The following PPP2R5E variants were observed in gnomAD, a reference collection of about 807,000 sequenced individuals.
The protein encoded by PPP2R5E is protein phosphatase 2 regulatory subunit B'epsilon, also known as serine/threonine-protein phosphatase 2A 56 kDa regulatory subunit epsilon isoform.
Under a neutral mutation model 65.3 loss-of-function variants are expected in PPP2R5E, and 4 were observed. The observed-to-expected ratio is 0.06, with a 90% CI of 0.03 to 0.14. The LOEUF (loss-of-function observed/expected upper bound fraction) is 0.14. PPP2R5E is among the 10% of genes least tolerant of loss of function. The pLI, the probability that PPP2R5E is intolerant of heterozygous loss-of-function variation, is 1.00. For synonymous variants in PPP2R5E, 183 were observed against 187.4 expected (o/e 0.98, Z 0.19); for missense variants, 274 against 556.1 (o/e 0.49, Z 5.10).
At position 63,374,707 on chromosome 14, in the gene PPP2R5E, T is replaced by C. The variant is rs1186179232; in HGVS notation, c.*1302A>G. ...AGATTTTGTTTTTTTTGTTTTTTTT[T>C]CTTAAACAATTTGGTCACGATGCAC... On this transcript the variant is annotated 3_prime_UTR_variant, in exon 14 of 14. Coordinates refer to ENST00000337537, the MANE Select transcript of PPP2R5E (RefSeq NM_006246.5). 6.7e-6 allele frequency: 1 copy of C among 148,172 alleles called. No individual in the cohort carries two copies. Among genetic ancestry groups the C allele is most frequent in the African/African-American group, 2.5e-5 (1 of 39,788 alleles). The allele number at this position is 148,172 out of a possible 1,614,324, so 9.2% of individuals were successfully genotyped here. A position where few individuals can be genotyped will look rare whatever the true frequency, so the allele number is the denominator to read the frequency against.
intron 2 of PPP2R5E, among the ~76,000 whole-genome samples, chr14:63,499,613 G>A (rs1486046322): frequency 1.3e-5 from 2 of 152,122 alleles, no homozygotes; most frequent in Non-Finnish European, 2.9e-5. Flanking sequence ...TGTAATCACG[G>A]CTACTCGGGA....
At chr14:63,459,657 A>G (rs1363278533) in intron 2 of PPP2R5E, among the ~76,000 whole-genome samples, 3 of 152,154 alleles carry the variant, frequency 2.0e-5, no homozygotes, top group Non-Finnish European at 4.4e-5. Flanking sequence ...TTTGTTGTTG[A>G]TGATGGTGGT....
Position 63,453,173 on chromosome 14 carries a change from T to C in PPP2R5E, c.354+516A>G, listed in dbSNP as rs560950898. 4.6e-5 allele frequency: 7 copies of C among 152,278 alleles called. No homozygotes were observed. In the South Asian group the frequency reaches 1.5e-3, roughly 32 times the overall value. The allele number at this position is 152,278 out of a possible 1,614,324, so 9.4% of individuals were successfully genotyped here. On this transcript the variant is annotated intron_variant, in intron 3 of 13. Transcript: ENST00000337537. Reference sequence around the variant, plus strand: ...GACCACACAAAATCTAAGACACTATTCAAAAATCATAAAAGGTATCAACCC... The same window carrying C: ...GACCACACAAAATCTAAGACACTATCCAAAAATCATAAAAGGTATCAACCC...
chr14:63,374,657 A>T lies in PPP2R5E; in HGVS notation c.*1352T>A, dbSNP rs1363676727. 2 of 108,508 alleles carry T rather than the reference A, an allele frequency of 1.8e-5. No individual in the cohort carries two copies. Among genetic ancestry groups the T allele is most frequent in the East Asian group, 9.9e-4 (2 of 2,026 alleles). 6.7% of individuals were successfully genotyped at this position (108,508 alleles called of 1,614,324 possible). A position where few individuals can be genotyped will look rare whatever the true frequency, so the allele number is the denominator to read the frequency against. The stretch of plus-strand genomic sequence containing the variant: ...AAGATATATATATATATATATATAT[A>T]TATATATATATAAAATACAGCCCTA... On this transcript the variant is annotated 3_prime_UTR_variant, in exon 14 of 14. Coordinates refer to ENST00000337537, the MANE Select transcript of PPP2R5E (RefSeq NM_006246.5).
intron 2 of PPP2R5E, among the ~76,000 whole-genome samples, chr14:63,466,257 A>T (rs976826702): frequency 1.8e-4 from 27 of 147,626 alleles, no homozygotes; most frequent in African/African-American, 6.5e-4. Flanking sequence ...CTTAAAAAAA[A>T]AAAGTTTTAA....
rs1172461512 is a variant in PPP2R5E, at chr14:63,523,020, G to A, written c.157+16509C>T. On this transcript the variant is annotated intron_variant, in intron 2 of 13. Coordinates refer to ENST00000337537, the MANE Select transcript of PPP2R5E (RefSeq NM_006246.5). The stretch of plus-strand genomic sequence containing the variant: ...CGGGAGGTGAGGGGCGCCTCTGCCC[G>A]GCCGCCCCTACTGGGAAGTAAGGAG... 5.6e-3 allele frequency among the ~76,000 whole-genome samples: 827 copies of A among 148,344 alleles called. 43 individuals are homozygous for A. The East Asian group carries it at 0.13, about 22-fold the overall frequency.
In PPP2R5E at chr14:63,384,471, T is replaced by C; in HGVS notation, c.1175A>G (p.Tyr392Cys). 1 of 1,613,782 alleles carries C rather than the reference T, an allele frequency of 6.2e-7. No homozygotes were observed. The highest frequency in any genetic ancestry group is 8.5e-7 in the Non-Finnish European group (1 of 1,179,900). ...VILPIMFSSL[Y>C]RISKEHWNPA... is the part of the protein sequence containing the mutation. ...ATTCCAATGTTCTTTTGAAATCCTATAAAGGCTGGAAAACATGATGGGAAG... is the reference window on the plus strand; with the variant it reads ...ATTCCAATGTTCTTTTGAAATCCTACAAAGGCTGGAAAACATGATGGGAAG... The change falls in exon 12 of 14, where the codon TAT becomes TGT. Residue 392 changes from tyrosine (Y) to cysteine (C), a missense_variant. This residue lies in a region of PPP2R5E where 129 missense variants were observed against 254.9 expected (regional missense o/e 0.51). Coordinates refer to ENST00000337537, the MANE Select transcript of PPP2R5E (RefSeq NM_006246.5).
intron 2 of PPP2R5E, among the ~76,000 whole-genome samples, chr14:63,519,663 A>G (rs1398578324): frequency 3.4e-5 from 5 of 146,596 alleles, no homozygotes; most frequent in Admixed American, 2.0e-4. Flanking sequence ...CTAAGGACAA[A>G]CTCTCTTTTT....
At chr14:63,426,861 T>C (rs370257569) in intron 3 of PPP2R5E, among the ~76,000 whole-genome samples, 11 of 152,126 alleles carry the variant, frequency 7.2e-5, no homozygotes, top group African/African-American at 1.7e-4. Flanking sequence ...TGGGCTTCCA[T>C]TGGGGCACGG....
At chr14:63,406,689 C>T (rs968500229) in intron 5 of PPP2R5E, among the ~76,000 whole-genome samples, 7 of 152,166 alleles carry the variant, frequency 4.6e-5, no homozygotes, top group Non-Finnish European at 1.0e-4. Flanking sequence ...GGTTTTCACA[C>T]ATTATAAATT....
intron 2 of PPP2R5E, among the ~76,000 whole-genome samples, chr14:63,474,319 G>A (rs1159599658): frequency 6.6e-6 from 1 of 152,172 alleles, no homozygotes; most frequent in Non-Finnish European, 1.5e-5. Flanking sequence ...CAGTGGGTGG[G>A]AGCCGGGTTG....
At chr14:63,440,450 C>T (rs1227421519) in intron 3 of PPP2R5E, among the ~76,000 whole-genome samples, 2 of 151,358 alleles carry the variant, frequency 1.3e-5, no homozygotes, top group Non-Finnish European at 2.9e-5. Flanking sequence ...AACCCCAGAG[C>T]ATACTATGTG....
In PPP2R5E at chr14:63,374,587, C is replaced by T. The variant is rs1254966543; in HGVS notation, c.*1422G>A. 2 of 141,676 alleles carry T rather than the reference C, an allele frequency of 1.4e-5. No homozygotes were observed. Among genetic ancestry groups the T allele is most frequent in the East Asian group, 3.9e-4 (2 of 5,070 alleles). 8.8% of individuals were successfully genotyped at this position (141,676 alleles called of 1,614,324 possible). A position where few individuals can be genotyped will look rare whatever the true frequency, so the allele number is the denominator to read the frequency against. On this transcript the variant is annotated 3_prime_UTR_variant, in exon 14 of 14. Coordinates refer to ENST00000337537, the MANE Select transcript of PPP2R5E (RefSeq NM_006246.5). ...CAAATTTTATCAGCAGTTTACCTACCCAAGATGTAAGATTCTTCATTTAAA... is the reference window on the plus strand; with the variant it reads ...CAAATTTTATCAGCAGTTTACCTACTCAAGATGTAAGATTCTTCATTTAAA...
chr14:63,398,325 A>G (rs1358807945), intron 5 of PPP2R5E, among the ~76,000 whole-genome samples: 1 of 152,232 alleles, frequency 6.6e-6, no homozygotes, highest in Non-Finnish European at 1.5e-5. Context: ...AAAGATTCAC[A>G]CTTCTCTATT....
chr14:63,453,189 G>A (rs1353057432), intron 3 of PPP2R5E: 1 of 152,052 alleles, frequency 6.6e-6, no homozygotes, highest in Non-Finnish European at 1.5e-5. Context: ...ATCATAAAAG[G>A]TATCAACCCT....
intron 11 of PPP2R5E, among the ~76,000 whole-genome samples, chr14:63,386,273 C>T (rs1884658456): frequency 6.6e-6 from 1 of 152,066 alleles, no homozygotes; most frequent in East Asian, 1.9e-4. Context: ...TCACTATATG[C>T]CAGGCACTGT....
intron 3 of PPP2R5E, among the ~76,000 whole-genome samples, chr14:63,433,032 GTTTTTTTTTTTT>G (rs747571866): frequency 2.1e-5 from 2 of 96,464 alleles, no homozygotes; most frequent in Non-Finnish European, 4.2e-5. Context: ...GTTTTGTTTT[GTTTTTTTTTTTT>G]TTTTTTTTTT....
At chr14:63,390,334 A>G (rs1199365409) in intron 10 of PPP2R5E, among the ~76,000 whole-genome samples, 1 of 149,202 alleles carries the variant, frequency 6.7e-6, no homozygotes, top group African/African-American at 2.5e-5. Flanking sequence ...ACACACACAC[A>G]CGCTTGCTCT....
chr14:63,445,609 C>T lies in PPP2R5E; in HGVS notation c.354+8080G>A, dbSNP rs577961318. Among the ~76,000 whole-genome samples the T allele has an allele frequency of 1.5e-3, 229 of 152,224 alleles. 1 individual carries two copies. Among genetic ancestry groups the T allele is most frequent in the Non-Finnish European group, 4.4e-4 (30 of 68,014 alleles). ...CCTGTAATCCCAGCACTTTGGGAAG[C>T]TGAGGCGGGCAGATCACAGGGTCAG... is the stretch of plus-strand genomic sequence containing the variant. On this transcript the variant is annotated intron_variant, in intron 3 of 13. Coordinates refer to ENST00000337537, the MANE Select transcript of PPP2R5E (RefSeq NM_006246.5).
Sources: gnomAD v4.1 joint callset for allele counts (sites outside exome capture counted in the v4.1 genomes callset) on GRCh38, gnomAD v4.1.1 for gene constraint, gnomAD v4.1.1 regional missense constraint, MANE v1.5 for transcripts, NCBI Gene and HGNC (gene_info 2026-07-23, HGNC 2026-07-21) for gene names.